WDR90: variants seen among roughly 807,000 people sequenced by gnomAD.
The protein encoded by WDR90 is WD repeat domain 90, also known as WD repeat-containing protein 90.
Under a neutral mutation model 195.2 loss-of-function variants are expected in WDR90, and 238 were observed. The ratio of observed to expected loss-of-function variants is 1.22; its 90% CI spans 1.10 to 1.36. The LOEUF is 1.36. WDR90 is among the 40% of genes most tolerant of loss of function. The pLI, the probability that WDR90 is intolerant of heterozygous loss-of-function variation, is 0.00. For synonymous variants in WDR90, 1,265 were observed against 1,052.4 expected (o/e 1.20, Z -3.91); for missense variants, 2,734 against 2,439.5 (o/e 1.12, Z -2.54).
At chr16:665,165 T>C (rs2037995679) in intron 34 of WDR90, 2 of 236,924 alleles carry the variant, frequency 8.4e-6, no homozygotes, top group Admixed American at 5.5e-5. Context: ...CCAATCAGCG[T>C]GCAGCGGTTT....
chr16:659,261 G>A lies in WDR90; in HGVS notation c.3069G>A (p.Pro1023=), dbSNP rs982970474. 7 of 1,610,930 alleles carry A rather than the reference G, an allele frequency of 4.3e-6. No individual in the cohort carries two copies. The highest frequency in any genetic ancestry group is 2.2e-5 in the East Asian group (1 of 44,788). The change falls in exon 26 of 41, where the codon CCG becomes CCA. Residue 1023 remains proline (P), a synonymous_variant. Coordinates refer to ENST00000293879, the MANE Select transcript of WDR90 (RefSeq NM_145294.5). ...PACKTGPGAG[P]LEDAASRASE... ...CTTCCCCAGGCCCGGGCGCAGGACC[G>A]CTGGAGGACGCAGCGTCCAGGGCCA...
chr16:660,895 G>A, intron 28 of WDR90, 156 bp from the exon 29 acceptor site: 5 of 830,672 alleles, frequency 6.0e-6, no homozygotes, highest in Non-Finnish European at 8.4e-6. Flanking sequence ...TTTGGCTACT[G>A]GACGCTGGGG....
In WDR90 at chr16:658,333, A is replaced by G. The variant is rs754730625; in HGVS notation, c.2755A>G (p.Ile919Val). 2 of 1,612,348 alleles carry G rather than the reference A, an allele frequency of 1.2e-6. No individual in the cohort carries two copies. The highest frequency in any genetic ancestry group is 1.7e-5 in the Admixed American group (1 of 60,006). ...GGTGCTGGATGCTGTGTCGGGCCGCATCATCCGGGAGGTGAGCCTCAGGGC... is the reference window on the plus strand; with the variant it reads ...GGTGCTGGATGCTGTGTCGGGCCGCGTCATCCGGGAGGTGAGCCTCAGGGC... ...VVVLDAVSGR[I>V]IRELPGVHPE... The change falls in exon 22 of 41, where the codon ATC (isoleucine) becomes GTC (valine). Residue 919 changes from isoleucine (I) to valine (V), a missense_variant. Coordinates refer to ENST00000293879, the MANE Select transcript of WDR90 (RefSeq NM_145294.5).
At chr16:657,300 A>C in intron 20 of WDR90, 79 bp downstream of exon 20, 3 of 1,447,452 alleles carry the variant, frequency 2.1e-6, no homozygotes, top group Non-Finnish European at 2.7e-6. Context: ...ACACCTGGAC[A>C]CACATGCCGG....
chr16:656,436 G>C lies in WDR90; in HGVS notation c.2101G>C (p.Ala701Pro), dbSNP rs199805518. The change falls in exon 18 of 41, where the codon GCC becomes CCC. Residue 701 changes from alanine to proline, a missense_variant. Physicochemically the swap from Ala to Pro is conservative, Grantham distance 27 (BLOSUM62 -1). Transcript: ENST00000293879. ...CCACATGCTGGCTCGCTCCCACACC[G>C]CCCCGGTGTTGGCCCTCGCCATGGA... ...VYHMLARSHTAPVLALAMEQR... is the reference protein window; with the variant it reads ...VYHMLARSHTPPVLALAMEQR... The C allele has an allele frequency of 6.2e-7, 1 of 1,602,108 alleles. No homozygotes were observed. The highest frequency in any genetic ancestry group is 1.1e-5 in the South Asian group (1 of 89,806).
At chr16:665,867 C>A in intron 35 of WDR90, 66 bp downstream of exon 35, 1 of 1,551,034 alleles carries the variant, frequency 6.4e-7, no homozygotes, top group Non-Finnish European at 8.7e-7. Flanking sequence ...CTGGCATGGG[C>A]GGGGCCGCCT....
intron 29 of WDR90, 75 bp from the exon 30 acceptor site, chr16:661,267 G>A: frequency 6.5e-7 from 1 of 1,531,758 alleles, no homozygotes; most frequent in Non-Finnish European, 8.8e-7. Context: ...ACCAAAGACG[G>A]AGCAGACGGC....
rs530828665 is a variant in WDR90, at chr16:655,093, C to G, written c.1502C>G (p.Ala501Gly). ...GGCGAGGTGGTCGTTCTGGCAAAGG[C>G]GCACACTGACTTTGACGTCCAGGCC... ...LGGEVVVLAK[A>G]HTDFDVQAFR... The change falls in exon 14 of 41, where the codon GCG (alanine) becomes GGG (glycine). Residue 501 changes from alanine (A) to glycine (G), a missense_variant. By Grantham distance (60) the Ala-to-Gly change is moderately conservative (BLOSUM62 0). Coordinates refer to ENST00000293879, the MANE Select transcript of WDR90 (RefSeq NM_145294.5). 2 of 1,612,692 alleles carry G rather than the reference C, an allele frequency of 1.2e-6. No individual in the cohort carries two copies. Among genetic ancestry groups the G allele is most frequent in the Non-Finnish European group, 1.7e-6 (2 of 1,179,882 alleles).
intron 10 of WDR90, 48 bp from the exon 11 acceptor site, chr16:653,293 G>C (rs778382117): frequency 1.4e-6 from 2 of 1,421,792 alleles, no homozygotes; most frequent in East Asian, 5.1e-5. Context: ...GCAGCCAGGA[G>C]GGGCCTGGCG....
At position 666,992 on chromosome 16, in the gene WDR90, G is replaced by T; in HGVS notation, c.5089+3G>T. On this transcript the variant is annotated splice_donor_region_variant and intron_variant, in intron 40 of 40. Coordinates refer to ENST00000293879, the MANE Select transcript of WDR90 (RefSeq NM_145294.5). ...CCTCCTGGCTGTTGGCTTTGCTGGT[G>T]AGTGCTGGTGGATGCAGTTTGGGCC... is the stretch of plus-strand genomic sequence containing the variant. 6.3e-7 allele frequency: 1 copy of T among 1,592,308 alleles called. No homozygotes were observed. The highest frequency in any genetic ancestry group is 8.6e-7 in the Non-Finnish European group (1 of 1,169,322).
chr16:654,954 GCT>G lies in WDR90; in HGVS notation c.1438-73_1438-72del, dbSNP rs1301352371. The G allele has an allele frequency of 5.5e-6, 8 of 1,464,682 alleles. No individual in the cohort carries two copies. In the African/African-American group the frequency reaches 1.1e-4, roughly 21 times the overall value. 90.7% of individuals were successfully genotyped at this position (1,464,682 alleles called of 1,614,324 possible). On this transcript the variant is annotated intron_variant, in intron 13 of 40. Coordinates refer to ENST00000293879, the MANE Select transcript of WDR90 (RefSeq NM_145294.5). ...GAGAGAAAAGCCACCTCCGGGTGGG[GCT>G]CGGCTGGGCCTTGCAGAATCGAGGT... is the stretch of plus-strand genomic sequence containing the variant.
In WDR90 at chr16:661,217, C is replaced by T. The variant is rs201872085; in HGVS notation, c.3513+45C>T. ...TCCTCCTCTCCCAGGGCCACCGTGC[C>T]CGGCAGAACCCAGCTCCCGGACCGG... On this transcript the variant is annotated intron_variant, in intron 29 of 40. Coordinates refer to ENST00000293879, the MANE Select transcript of WDR90 (RefSeq NM_145294.5). 1,033 of 1,515,816 alleles carry T rather than the reference C, an allele frequency of 6.8e-4. 11 individuals are homozygous for T. In the African/African-American group the frequency reaches 0.011, roughly 17 times the overall value. The allele number at this position is 1,515,816 out of a possible 1,614,324, so 93.9% of individuals were successfully genotyped here.
At position 667,717 on chromosome 16, in the gene WDR90, C is replaced by T. The variant is rs921611471; in HGVS notation, c.*128C>T. 8 of 1,415,186 alleles carry T rather than the reference C, an allele frequency of 5.7e-6. No homozygotes were observed. The highest frequency in any genetic ancestry group is 1.7e-4 in the Middle Eastern group (1 of 5,732). The allele number at this position is 1,415,186 out of a possible 1,614,324, so 87.7% of individuals were successfully genotyped here. The stretch of plus-strand genomic sequence containing the variant: ...ACAGGCCAGGATTCACGTAAATCGC[C>T]TGGAGCAAGCTGTTGTAAATTTGGC... On this transcript the variant is annotated 3_prime_UTR_variant, in exon 41 of 41. Transcript: ENST00000293879.
In WDR90 at chr16:651,962, C is replaced by T. The variant is rs1175064545; in HGVS notation, c.976C>T (p.His326Tyr). 1.2e-6 allele frequency: 2 copies of T among 1,607,908 alleles called. No homozygotes were observed. The highest frequency in any genetic ancestry group is 3.4e-5 in the Admixed American group (2 of 59,600). The stretch of plus-strand genomic sequence containing the variant: ...GGCCCAGCTGGAGGCCTCTGACATC[C>T]ACACGGCTGCTGCCGGCACCCACGT... ...PWAQLEASDI[H>Y]TAAAGTHVLT... Residue 326 changes from histidine to tyrosine, a missense_variant, in exon 9 of 41, where the codon CAC becomes TAC. Physicochemically the swap from His to Tyr is moderately conservative, Grantham distance 83. Transcript: ENST00000293879.
chr16:662,036 G>A lies in WDR90; in HGVS notation c.4010G>A (p.Trp1337Ter). The stretch of plus-strand genomic sequence containing the variant: ...CGTGCCGGCCGCTGCTTCTTGTCCT[G>A]GGAGGCGGATGACGGTGGCATTGGT... Reference protein sequence around the residue: ...DTRAGRCFLSWEADDGGIGLL... With the variant: ...DTRAGRCFLS The change falls in exon 32 of 41, where the codon TGG becomes TAG. Residue 1337 changes from tryptophan to a stop codon, truncating the protein, a stop_gained. Transcript: ENST00000293879. LOFTEE classifies it high-confidence loss of function. 6.2e-7 allele frequency: 1 copy of A among 1,602,486 alleles called. No homozygotes were observed. The highest frequency in any genetic ancestry group is 1.1e-5 in the South Asian group (1 of 91,072).
rs752448895 is a variant in WDR90, at chr16:653,617, C to T, written c.1326C>T (p.Thr442=). Residue 442 remains threonine (T), a synonymous_variant, in exon 12 of 41, where the codon ACC becomes ACT. Coordinates refer to ENST00000293879, the MANE Select transcript of WDR90 (RefSeq NM_145294.5). ...PSVMRLWDFQ[T]GRCLCLFRSP... is the part of the protein sequence containing the mutation. ...TGATGCGGCTCTGGGACTTCCAGAC[C>T]GGGCGGTGCTTGTGCCTGTTCCGGA... 5.0e-5 allele frequency: 81 copies of T among 1,613,480 alleles called. No homozygotes were observed. Among genetic ancestry groups the T allele is most frequent in the East Asian group, 8.9e-5 (4 of 44,878 alleles).
intron 17 of WDR90, 73 bp from the exon 18 acceptor site, chr16:656,229 G>T: frequency 7.1e-7 from 1 of 1,399,798 alleles, no homozygotes. Flanking sequence ...CTGGGGTGTC[G>T]GGGACCCGAA....
chr16:661,557 C>T (rs771246136), intron 30 of WDR90, 40 bp from the exon 31 acceptor site: 2 of 1,579,184 alleles, frequency 1.3e-6, no homozygotes, highest in Admixed American at 1.7e-5. Flanking sequence ...GGGGGGGCTG[C>T]ATCTGTGCAC....
In WDR90 at chr16:656,327, CTG is replaced by C. The variant is rs1398527445; in HGVS notation, c.1996_1997del (p.Val666GlnfsTer96). 6.2e-7 allele frequency: 1 copy of C among 1,608,736 alleles called. No homozygotes were observed. The highest frequency in any genetic ancestry group is 8.5e-7 in the Non-Finnish European group (1 of 1,179,362). On this transcript the variant is annotated frameshift_variant, in exon 18 of 41. Transcript: ENST00000293879. LOFTEE classifies it high-confidence loss of function. ...AEHEGPVSSV[C>X]VSPDGLRVLS... ...AGCACGAGGGCCCCGTCAGCTCAGTCTGTGTCAGCCCCGATGGCCTCCGTGTG... is the reference window on the plus strand; with the variant it reads ...AGCACGAGGGCCCCGTCAGCTCAGTCTGTCAGCCCCGATGGCCTCCGTGTG...
Sources: gnomAD v4.1 joint callset for allele counts on GRCh38, gnomAD v4.1.1 for gene constraint, MANE v1.5 for transcripts, NCBI Gene and HGNC (gene_info 2026-07-23, HGNC 2026-07-21) for gene names.